Variants in PLA2R1 observed in about 807,000 individuals in gnomAD.
PLA2R1 encodes the protein secretory phospholipase A2 receptor.
In PLA2R1, 158 loss-of-function variants were observed where a neutral mutation model predicts 195.9. That is an observed-to-expected ratio of 0.81 (90% CI 0.71 to 0.92). The LOEUF (loss-of-function observed/expected upper bound fraction) is 0.92, where lower values mean the gene tolerates loss of function less well. PLA2R1 is among the 40% of genes least tolerant of loss of function. The pLI, the probability that PLA2R1 is intolerant of heterozygous loss-of-function variation, is 0.00. For synonymous variants in PLA2R1, 586 were observed against 598.2 expected, an observed-to-expected ratio of 0.98 and a Z score of 0.30; for missense variants, 1,626 against 1,764.6, an observed-to-expected ratio of 0.92 and a Z score of 1.41.
At chr2:159,984,115 A>G (rs1690160076) in intron 12 of PLA2R1, 42 bp from the exon 13 acceptor site, 1 of 981,004 alleles carries the variant, frequency 1.0e-6, no homozygotes, top group African/African-American at 1.6e-5. Flanking sequence ...TTATAGATAA[A>G]GTCAGGTTGT....
downstream of PLA2R1, among the ~76,000 whole-genome samples, chr2:159,930,340 A>G (rs1340705323): frequency 2.0e-5 from 3 of 151,670 alleles, no homozygotes; most frequent in Non-Finnish European, 2.9e-5. Context: ...CCTGGGAGGC[A>G]GAGCTTGCAG....
intron 1 of PLA2R1, among the ~76,000 whole-genome samples, chr2:160,051,056 G>T (rs1041274028): frequency 1.3e-5 from 2 of 152,126 alleles, no homozygotes; most frequent in Non-Finnish European, 2.9e-5. Flanking sequence ...TGAAGTTTCC[G>T]CATTTTTAAC....
chr2:160,024,239 G>A (rs1203280217), intron 6 of PLA2R1, among the ~76,000 whole-genome samples: 1 of 152,140 alleles, frequency 6.6e-6, no homozygotes, highest in African/African-American at 2.4e-5. Context: ...CCATCCTTGA[G>A]GCTTTGTAAC....
At chr2:160,061,696 C>T (rs1204736892) in intron 1 of PLA2R1, among the ~76,000 whole-genome samples, 2 of 152,100 alleles carry the variant, frequency 1.3e-5, no homozygotes, top group Non-Finnish European at 2.9e-5. Context: ...GATCGCTTGA[C>T]CCCGGGAGGC....
rs1686997546 is a variant in PLA2R1, at chr2:159,939,521, A to C, written c.*2257T>G. On this transcript the variant is annotated 3_prime_UTR_variant, in exon 30 of 30. Transcript: ENST00000283243. The stretch of plus-strand genomic sequence containing the variant: ...CTCCATCTCCAAAAAAAAAAAAAAA[A>C]AATGAAAAAAAGTTTCAAAAAAAAT... 1 of 151,356 alleles carries C rather than the reference A, an allele frequency of 6.6e-6. No homozygotes were observed. The allele number at this position is 151,356 out of a possible 1,614,324, so 9.4% of individuals were successfully genotyped here.
chr2:160,046,602 A>G (rs1052345874), intron 1 of PLA2R1, among the ~76,000 whole-genome samples: 1 of 152,222 alleles, frequency 6.6e-6, no homozygotes, highest in Non-Finnish European at 1.5e-5. Context: ...AAAGATTGTC[A>G]ATGTATTAAT....
At chr2:159,975,527 T>G (rs1429388693) in intron 17 of PLA2R1, among the ~76,000 whole-genome samples, 1 of 84,950 alleles carries the variant, frequency 1.2e-5, no homozygotes, top group African/African-American at 2.7e-5. Flanking sequence ...TTAAAAATAA[T>G]GTACTCTTGT....
intron 4 of PLA2R1, among the ~76,000 whole-genome samples, chr2:160,029,254 C>A (rs918011093): frequency 6.6e-6 from 1 of 152,160 alleles, no homozygotes; most frequent in Admixed American, 6.5e-5. Flanking sequence ...TACTTGAGGC[C>A]ATCTTACTTG....
chr2:159,975,148 T>C (rs1007274498), intron 17 of PLA2R1, among the ~76,000 whole-genome samples: 2 of 152,240 alleles, frequency 1.3e-5, no homozygotes, highest in Non-Finnish European at 2.9e-5. Flanking sequence ...TACTACATCA[T>C]ATCACTTCCA....
At chr2:159,985,452 A>T (rs1690258815) in intron 12 of PLA2R1, among the ~76,000 whole-genome samples, 1 of 152,220 alleles carries the variant, frequency 6.6e-6, no homozygotes, top group Non-Finnish European at 1.5e-5. Context: ...AAACATTTTT[A>T]AAAATCATAT....
chr2:160,051,644 T>C (rs1468975900), intron 1 of PLA2R1, among the ~76,000 whole-genome samples: 1 of 152,206 alleles, frequency 6.6e-6, no homozygotes, highest in East Asian at 1.9e-4. Context: ...GATTACTCTG[T>C]AGCAGGAAGG....
downstream of PLA2R1, among the ~76,000 whole-genome samples, chr2:159,927,715 A>AT (rs1289316570): frequency 1.3e-5 from 2 of 151,998 alleles, no homozygotes; most frequent in African/African-American, 4.8e-5. Context: ...CCTTTCTCTG[A>AT]TTTTATGGTC....
At chr2:159,928,602 A>T (rs7564522), downstream of PLA2R1, among the ~76,000 whole-genome samples, 8,488 of 152,230 alleles carry the variant, frequency 0.056, 767 homozygotes, top group African/African-American at 0.19. Context: ...CTACAAATTC[A>T]ATGCATTTCC....
chr2:159,987,418 G>T, intron 11 of PLA2R1, 60 bp from the exon 12 acceptor site: 1 of 1,200,098 alleles, frequency 8.3e-7, no homozygotes, highest in Non-Finnish European at 1.2e-6. Context: ...GTGCTCAGAA[G>T]ACTGCTCTTT....
chr2:159,942,707 TAG>T (rs747006078), intron 28 of PLA2R1, among the ~76,000 whole-genome samples: 88 of 152,326 alleles, frequency 5.8e-4, no homozygotes, highest in Admixed American at 2.3e-3. Context: ...TCCAAAAAGT[TAG>T]AGAGTTTCTG....
chr2:159,946,533 A>G (rs551013921), intron 27 of PLA2R1: 1 of 1,117,122 alleles, frequency 9.0e-7, no homozygotes, highest in Non-Finnish European at 1.1e-6. Flanking sequence ...TGTGAACACA[A>G]AGTTCCAGCC....
rs1251648883 is a variant in PLA2R1, at chr2:160,061,106, C to T, written c.109+1189G>A. ...TCTACTGTGGAGGAAAAAATGTGAA[C>T]GCAGATATTGATCACATCTTGTGTT... is the stretch of plus-strand genomic sequence containing the variant. On this transcript the variant is annotated intron_variant, in intron 1 of 29. Transcript: ENST00000283243. Among the ~76,000 whole-genome samples the T allele has an allele frequency of 2.6e-5, 4 of 152,344 alleles. No homozygotes were observed. The South Asian group carries it at 6.2e-4, about 24-fold the overall frequency.
chr2:159,994,728 G>T (rs969617726), intron 11 of PLA2R1, among the ~76,000 whole-genome samples: 1 of 151,926 alleles, frequency 6.6e-6, no homozygotes, highest in Non-Finnish European at 1.5e-5. Flanking sequence ...TACCACAGTG[G>T]TTCTACTACT....
rs760757680 is a variant in PLA2R1, at chr2:159,941,801, C to T, written c.4369G>A (p.Asp1457Asn). 5 of 1,599,246 alleles carry T rather than the reference C, an allele frequency of 3.1e-6. No individual in the cohort carries two copies. In the East Asian group the frequency reaches 1.1e-4, roughly 36 times the overall value. Residue 1457 changes from aspartate to asparagine, a missense_variant, in exon 30 of 30, where the codon GAT becomes AAT. Transcript: ENST00000283243. ...TATTATTGGTCACTCTTCTCAAGATCAGAAATGAGAATATTTTCTTCTAAA... is the reference window on the plus strand; with the variant it reads ...TATTATTGGTCACTCTTCTCAAGATTAGAAATGAGAATATTTTCTTCTAAA... Reference protein sequence around the residue: ...VYLEENILISDLEKSDQ With the variant: ...VYLEENILISNLEKSDQ
Sources: allele counts gnomAD v4.1 joint callset (sites outside exome capture counted in the v4.1 genomes callset), GRCh38; gene constraint gnomAD v4.1.1; transcripts MANE v1.5; gene names NCBI Gene and HGNC (gene_info 2026-07-23, HGNC 2026-07-21).